Variants in TRPM3 observed in about 807,000 individuals in gnomAD.
The protein encoded by TRPM3 is transient receptor potential cation channel subfamily M member 3, also known as long transient receptor potential channel 3.
In TRPM3, 77 loss-of-function variants were observed where a neutral mutation model predicts 181.2. The observed-to-expected ratio is 0.42, with a 90% CI of 0.35 to 0.51. TRPM3 has a LOEUF of 0.51. Ranked by LOEUF, TRPM3 falls within the 20% of genes least tolerant of loss-of-function variation. TRPM3 has a pLI of 0.01. For synonymous variants in TRPM3, 745 were observed against 796.4 expected, an observed-to-expected ratio of 0.94 and a Z score of 1.09; for missense variants, 1,759 against 2,196.7, an observed-to-expected ratio of 0.80 and a Z score of 3.98.
At chr9:71,432,035 T>G (rs2093961782) in intron 1 of TRPM3, among the ~76,000 whole-genome samples, 1 of 152,158 alleles carries the variant, frequency 6.6e-6, no homozygotes, top group South Asian at 2.1e-4. Flanking sequence ...AAGGACCCGA[T>G]TATACTCTAT....
At chr9:70,751,907 A>G (rs2076192433) in intron 8 of TRPM3, among the ~76,000 whole-genome samples, 2 of 152,092 alleles carry the variant, frequency 1.3e-5, no homozygotes, top group East Asian at 3.9e-4. Context: ...GCTTACATTT[A>G]TGACCTTTGA....
chr9:71,414,870 T>C (rs1322912505), intron 1 of TRPM3, among the ~76,000 whole-genome samples: 1 of 152,018 alleles, frequency 6.6e-6, no homozygotes, highest in Non-Finnish European at 1.5e-5. Flanking sequence ...AAAAGAGCAA[T>C]AAATTAAAGT....
chr9:70,786,161 G>T (rs1168917320), intron 6 of TRPM3, among the ~76,000 whole-genome samples: 3 of 151,750 alleles, frequency 2.0e-5, no homozygotes, highest in Admixed American at 6.6e-5. Context: ...CCTGTTGAAA[G>T]GTACTTTAAA....
chr9:71,395,728 AG>A (rs1338470328), intron 1 of TRPM3, among the ~76,000 whole-genome samples: 1 of 152,280 alleles, frequency 6.6e-6, no homozygotes, highest in African/African-American at 2.4e-5. Context: ...CATGACCAAA[AG>A]CACTTACTAG....
intron 1 of TRPM3, among the ~76,000 whole-genome samples, chr9:70,965,825 T>C (rs928889311): frequency 1.3e-5 from 2 of 151,904 alleles, no homozygotes; most frequent in African/African-American, 2.4e-5. Context: ...TGCGGACAAG[T>C]CTGTCCTCCT....
At chr9:70,754,037 G>A (rs893197943) in intron 8 of TRPM3, among the ~76,000 whole-genome samples, 4 of 152,220 alleles carry the variant, frequency 2.6e-5, no homozygotes, top group South Asian at 2.1e-4. Flanking sequence ...TACACTCCAG[G>A]GTATCAAAAG....
At chr9:71,358,697 A>G (rs2092012282) in intron 1 of TRPM3, among the ~76,000 whole-genome samples, 2 of 152,214 alleles carry the variant, frequency 1.3e-5, no homozygotes, top group African/African-American at 2.4e-5. Flanking sequence ...AAGAACAGAA[A>G]TGAAGCAAGG....
chr9:70,615,875 C>A, intron 18 of TRPM3, 33 bp downstream of exon 18: 1 of 1,572,820 alleles, frequency 6.4e-7, no homozygotes, highest in Non-Finnish European at 8.6e-7. Flanking sequence ...AGGAATTCTG[C>A]CCATAGAGAA....
At chr9:71,373,504 A>G (rs2092584586) in intron 1 of TRPM3, among the ~76,000 whole-genome samples, 1 of 152,192 alleles carries the variant, frequency 6.6e-6, no homozygotes, top group African/African-American at 2.4e-5. Context: ...ACAAACCTCT[A>G]TGCACATAAA....
chr9:71,296,993 T>TC (rs796738645), intron 1 of TRPM3, among the ~76,000 whole-genome samples: 33 of 140,550 alleles, frequency 2.3e-4, no homozygotes, highest in African/African-American at 8.2e-4. Flanking sequence ...CTTTTCTTTT[T>TC]TTTTTTTTTT....
chr9:70,745,609 A>C (rs925025324), intron 8 of TRPM3, among the ~76,000 whole-genome samples: 1 of 152,174 alleles, frequency 6.6e-6, no homozygotes, highest in African/African-American at 2.4e-5. Context: ...AAACTTTTCT[A>C]AACTTGATGC....
intron 1 of TRPM3, among the ~76,000 whole-genome samples, chr9:71,049,381 C>A (rs1017605661): frequency 1.3e-5 from 2 of 152,076 alleles, no homozygotes; most frequent in African/African-American, 2.4e-5. Context: ...ATATATACTC[C>A]AAATCCTAGA....
chr9:71,312,832 C>G (rs1718193602), intron 1 of TRPM3, among the ~76,000 whole-genome samples: 1 of 151,896 alleles, frequency 6.6e-6, no homozygotes, highest in Admixed American at 6.6e-5. Flanking sequence ...AGCTGTATGA[C>G]ATTCTGAAAA....
chr9:70,957,338 G>A (rs1368151047), intron 1 of TRPM3, among the ~76,000 whole-genome samples: 3 of 152,078 alleles, frequency 2.0e-5, no homozygotes, highest in Non-Finnish European at 4.4e-5. Context: ...ATCTTAGAAG[G>A]AGAACCCATG....
intron 8 of TRPM3, among the ~76,000 whole-genome samples, chr9:70,755,532 G>A (rs939497911): frequency 6.6e-6 from 1 of 151,816 alleles, no homozygotes. Context: ...CACCATGCCC[G>A]GCTAATTTTG....
chr9:71,267,908 A>G (rs567395001), intron 1 of TRPM3, among the ~76,000 whole-genome samples: 2 of 152,312 alleles, frequency 1.3e-5, no homozygotes, highest in African/African-American at 4.8e-5. Context: ...GGGTGTACAA[A>G]AAAGATAGGG....
chr9:71,162,233 A>G (rs1436636861), intron 1 of TRPM3, among the ~76,000 whole-genome samples: 1 of 151,536 alleles, frequency 6.6e-6, no homozygotes, highest in Non-Finnish European at 1.5e-5. Context: ...AGAAAAAGAA[A>G]AAGAAAAAAG....
intron 1 of TRPM3, among the ~76,000 whole-genome samples, chr9:70,923,993 A>T (rs1042666502): frequency 2.6e-5 from 4 of 151,606 alleles, no homozygotes. Context: ...CTATCTATTT[A>T]TCTATCTATA....
chr9:70,915,414 C>T (rs1196754132), intron 1 of TRPM3, among the ~76,000 whole-genome samples: 1 of 151,962 alleles, frequency 6.6e-6, no homozygotes, highest in Non-Finnish European at 1.5e-5. Context: ...TCTCCTGCCT[C>T]AGCCTCCCAA....
Sources: allele counts gnomAD v4.1 joint callset (sites outside exome capture counted in the v4.1 genomes callset), GRCh38; gene constraint gnomAD v4.1.1; transcripts MANE v1.5; gene names NCBI Gene and HGNC (gene_info 2026-07-23, HGNC 2026-07-21).